CNTNAP5: variants seen among roughly 807,000 people sequenced by gnomAD.
CNTNAP5 encodes contactin associated protein family member 5.
A neutral mutation model predicts 150.2 loss-of-function variants in CNTNAP5; 72 were observed. The observed-to-expected ratio is 0.48, with a 90% CI of 0.40 to 0.58. The LOEUF (loss-of-function observed/expected upper bound fraction) is 0.58. Among genes scored for constraint, CNTNAP5 ranks in the 20% least tolerant of loss-of-function variants. CNTNAP5 has a pLI of 0.00. For missense variants in CNTNAP5, 1,636 were observed against 1,626.2 expected, an observed-to-expected ratio of 1.01 and a Z score of -0.10; for synonymous variants, 672 against 619.8, an observed-to-expected ratio of 1.08 and a Z score of -1.25.
chr2:124,153,598 C>T (rs557745996), intron 1 of CNTNAP5, among the ~76,000 whole-genome samples: 16 of 144,806 alleles, frequency 1.1e-4, no homozygotes, highest in East Asian at 6.2e-4. Flanking sequence ...GAAAGCCCCC[C>T]GGGACTTTTT....
At chr2:124,191,739 A>G (rs1428482801) in intron 1 of CNTNAP5, among the ~76,000 whole-genome samples, 1 of 151,982 alleles carries the variant, frequency 6.6e-6, no homozygotes, top group Non-Finnish European at 1.5e-5. Context: ...ACATGGTGAA[A>G]CCTCATCTCT....
chr2:124,833,333 G>A (rs1327938873), intron 19 of CNTNAP5, among the ~76,000 whole-genome samples: 1 of 152,102 alleles, frequency 6.6e-6, no homozygotes, highest in Non-Finnish European at 1.5e-5. Context: ...TGAGACTCAG[G>A]AGAGACCCAC....
intron 20 of CNTNAP5, among the ~76,000 whole-genome samples, chr2:124,868,210 A>C (rs371070263): frequency 6.6e-6 from 1 of 152,148 alleles, no homozygotes; most frequent in Admixed American, 6.5e-5. Context: ...AGATCCTGGC[A>C]TTCTTTTGTC....
At chr2:124,618,669 C>T (rs1157902075) in intron 12 of CNTNAP5, among the ~76,000 whole-genome samples, 2 of 152,112 alleles carry the variant, frequency 1.3e-5, no homozygotes, top group African/African-American at 4.8e-5. Flanking sequence ...AGTCAGCCTT[C>T]CTGCGCACAG....
chr2:124,164,229 A>C (rs917587256), intron 1 of CNTNAP5, among the ~76,000 whole-genome samples: 2 of 152,196 alleles, frequency 1.3e-5, no homozygotes, highest in African/African-American at 4.8e-5. Context: ...TGGAACTTAC[A>C]GTAAGGGATG....
At chr2:124,913,661 T>C (rs956020120) in intron 23 of CNTNAP5, among the ~76,000 whole-genome samples, 3 of 152,136 alleles carry the variant, frequency 2.0e-5, no homozygotes, top group Non-Finnish European at 2.9e-5. Context: ...AGATGTGAGA[T>C]ATTTAAGTAC....
chr2:124,121,090 A>G (rs935760548), intron 1 of CNTNAP5, among the ~76,000 whole-genome samples: 4 of 151,966 alleles, frequency 2.6e-5, no homozygotes, highest in African/African-American at 9.7e-5. Context: ...TCTTACTGAC[A>G]GCATTTCTGT....
chr2:124,537,281 C>T lies in CNTNAP5; in HGVS notation c.1649+9825C>T, dbSNP rs143217971. ...TTCTAACCCTGCTGTGGGAAGGTGC[C>T]CCACATTCTTCGGCAGGATTGTGAA... On this transcript the variant is annotated intron_variant, in intron 10 of 23. Transcript: ENST00000682447. 5.9e-3 allele frequency among the ~76,000 whole-genome samples: 904 copies of T among 152,184 alleles called. 1 individual carries two copies. Among genetic ancestry groups the T allele is most frequent in the Middle Eastern group, 0.027 (8 of 294 alleles).
At chr2:124,032,818 T>C (rs1681094246) in intron 1 of CNTNAP5, among the ~76,000 whole-genome samples, 1 of 152,240 alleles carries the variant, frequency 6.6e-6, no homozygotes, top group Non-Finnish European at 1.5e-5. Context: ...ATATTCTCAG[T>C]GCAGTATATT....
intron 19 of CNTNAP5, among the ~76,000 whole-genome samples, chr2:124,828,104 G>A (rs1682635884): frequency 6.6e-6 from 1 of 152,290 alleles, no homozygotes; most frequent in East Asian, 1.9e-4. Flanking sequence ...CACTACTGCT[G>A]TAATCTTGCA....
Position 124,447,332 on chromosome 2 carries a change from T to C in CNTNAP5, c.918+395T>C, listed in dbSNP as rs553705298. Among the ~76,000 whole-genome samples, 56 of 152,310 alleles carry C rather than the reference T, an allele frequency of 3.7e-4. No individual in the cohort carries two copies. The South Asian group carries it at 0.012, about 32-fold the overall frequency. ...AACAAAACCCATGGAATCTAAAACCTGCAGTCGAGACTACCCTTTGACTTT... is the reference window on the plus strand; with the variant it reads ...AACAAAACCCATGGAATCTAAAACCCGCAGTCGAGACTACCCTTTGACTTT... On this transcript the variant is annotated intron_variant, in intron 6 of 23. Coordinates refer to ENST00000682447, the MANE Select transcript of CNTNAP5 (RefSeq NM_001367498.1).
At chr2:124,706,809 G>A (rs1161109815) in intron 13 of CNTNAP5, among the ~76,000 whole-genome samples, 7 of 11,320 alleles carry the variant, frequency 6.2e-4, no homozygotes, top group Admixed American at 3.1e-3. Context: ...AGGAGGAGGA[G>A]GAGGAGGAGG....
chr2:124,831,411 A>G (rs1277867954), intron 19 of CNTNAP5, among the ~76,000 whole-genome samples: 1 of 151,746 alleles, frequency 6.6e-6, no homozygotes, highest in Non-Finnish European at 1.5e-5. Context: ...TTTCCTACTT[A>G]CTGGTTCCTT....
At chr2:124,406,463 A>C (rs1342844475) in intron 3 of CNTNAP5, among the ~76,000 whole-genome samples, 1 of 152,206 alleles carries the variant, frequency 6.6e-6, no homozygotes, top group East Asian at 1.9e-4. Context: ...TGCAAACATT[A>C]CAAGATATTA....
At chr2:124,755,686 T>G (rs1680825998) in intron 14 of CNTNAP5, among the ~76,000 whole-genome samples, 1 of 152,194 alleles carries the variant, frequency 6.6e-6, no homozygotes, top group South Asian at 2.1e-4. Context: ...TTTAAAAGTG[T>G]AGTGCCTTCA....
intron 10 of CNTNAP5, among the ~76,000 whole-genome samples, chr2:124,561,206 G>A (rs1194087101): frequency 6.6e-6 from 1 of 152,172 alleles, no homozygotes; most frequent in African/African-American, 2.4e-5. Flanking sequence ...TATGGCACAA[G>A]GTAAACTGCA....
chr2:124,437,855 G>A (rs1039216427), intron 5 of CNTNAP5, among the ~76,000 whole-genome samples: 1 of 152,122 alleles, frequency 6.6e-6, no homozygotes, highest in Non-Finnish European at 1.5e-5. Context: ...AAATAAAGGA[G>A]AGAGTTTTGG....
At chr2:124,181,901 T>C (rs1431193992) in intron 1 of CNTNAP5, among the ~76,000 whole-genome samples, 1 of 152,204 alleles carries the variant, frequency 6.6e-6, no homozygotes, top group African/African-American at 2.4e-5. Flanking sequence ...TTTTCTCTTT[T>C]ACCCTTTCAA....
chr2:124,493,921 T>G (rs1694087502), intron 7 of CNTNAP5, among the ~76,000 whole-genome samples: 1 of 150,700 alleles, frequency 6.6e-6, no homozygotes, highest in African/African-American at 2.4e-5. Flanking sequence ...TTGTTTTGTT[T>G]GTGGGCTAAA....
Sources: gnomAD v4.1 joint callset for allele counts (sites outside exome capture counted in the v4.1 genomes callset) on GRCh38, gnomAD v4.1.1 for gene constraint, MANE v1.5 for transcripts, NCBI Gene and HGNC (gene_info 2026-07-23, HGNC 2026-07-21) for gene names.